Variants in TPCN2 observed in about 807,000 individuals in gnomAD.
TPCN2 encodes two pore segment channel 2.
TPCN2 carries 92 observed loss-of-function variants against 111.4 expected under a neutral mutation model. The observed-to-expected ratio is 0.83, with a 90% confidence interval of 0.70 to 0.98. The LOEUF (loss-of-function observed/expected upper bound fraction) is 0.98, where lower values mean the gene tolerates loss of function less well. Among genes scored for constraint, TPCN2 ranks in the 50% least tolerant of loss-of-function variants. The pLI is 0.00. For synonymous variants in TPCN2, 405 were observed against 414.5 expected (o/e 0.98, Z 0.28); for missense variants, 995 against 980.1 (o/e 1.02, Z -0.20).
At chr11:69,075,298 C>T (rs1260438466) in intron 13 of TPCN2, among the ~76,000 whole-genome samples, 2 of 152,196 alleles carry the variant, frequency 1.3e-5, no homozygotes, top group African/African-American at 4.8e-5. Flanking sequence ...GGTTCTAGGA[C>T]TCCATGTGGA....
At chr11:69,065,798 G>A (rs1434516957) in intron 7 of TPCN2, among the ~76,000 whole-genome samples, 5 of 152,226 alleles carry the variant, frequency 3.3e-5, no homozygotes, top group Non-Finnish European at 7.3e-5. Flanking sequence ...CAGCCGTGAT[G>A]GTGCTGTCCC....
At chr11:69,086,169 G>A (rs1027577237) in intron 22 of TPCN2, among the ~76,000 whole-genome samples, 2 of 152,220 alleles carry the variant, frequency 1.3e-5, no homozygotes, top group South Asian at 2.1e-4. Context: ...CCTGGAGGTC[G>A]TTGGTGTGTT....
At chr11:69,074,150 G>A (rs1855653640) in intron 13 of TPCN2, among the ~76,000 whole-genome samples, 1 of 152,184 alleles carries the variant, frequency 6.6e-6, no homozygotes, top group South Asian at 2.1e-4. Context: ...CGGCCCCTGT[G>A]GCTGCAGGAC....
intron 20 of TPCN2, 56 bp downstream of exon 20, chr11:69,085,342 G>GT: frequency 7.7e-7 from 1 of 1,292,114 alleles, no homozygotes; most frequent in Non-Finnish European, 1.1e-6. Context: ...GGGGTGGGCG[G>GT]GAAGCCTTGG....
At chr11:69,076,627 G>C (rs112305069) in intron 13 of TPCN2, among the ~76,000 whole-genome samples, 665 of 12,852 alleles carry the variant, frequency 0.052, no homozygotes, top group Middle Eastern at 0.11. Context: ...GCCCTCCTGC[G>C]GTGTCCCTCC....
intron 17 of TPCN2, among the ~76,000 whole-genome samples, chr11:69,080,678 C>T (rs1294507072): frequency 6.6e-6 from 1 of 152,170 alleles, no homozygotes; most frequent in East Asian, 1.9e-4. Context: ...GGACGGTGGA[C>T]AGCAAGAGCC....
At position 69,055,423 on chromosome 11, in the gene TPCN2, A is replaced by G. The variant is rs553492385; in HGVS notation, c.429+71A>G. 197 of 1,422,840 alleles carry G rather than the reference A, an allele frequency of 1.4e-4. 2 individuals carry two copies. The African/African-American group carries it at 2.7e-3, about 19-fold the overall frequency. 88.1% of individuals were successfully genotyped at this position (1,422,840 alleles called of 1,614,324 possible). A position where few individuals can be genotyped will look rare whatever the true frequency, so the allele number is the denominator to read the frequency against. On this transcript the variant is annotated intron_variant, in intron 4 of 24. Transcript: ENST00000294309. ...CGCCTGGCCGCTGCTCTCCTGGTTT[A>G]TTGCTGATTCTCTGGAGTGAGCTGC...
intron 5 of TPCN2, 125 bp from the exon 6 acceptor site, chr11:69,062,759 G>T: frequency 1.2e-6 from 1 of 847,638 alleles, no homozygotes; most frequent in Non-Finnish European, 1.9e-6. Flanking sequence ...TCCACTTTGG[G>T]CTCAGTGACT....
intron 20 of TPCN2, 107 bp downstream of exon 20, chr11:69,085,393 G>A (rs1001500681): frequency 8.1e-6 from 9 of 1,116,712 alleles, no homozygotes; most frequent in African/African-American, 6.1e-5. Flanking sequence ...ATGGGAGGGT[G>A]TTCTCCCAGT....
At chr11:69,080,973 G>C (rs897766231) in intron 17 of TPCN2, among the ~76,000 whole-genome samples, 12 of 152,134 alleles carry the variant, frequency 7.9e-5, no homozygotes, top group Admixed American at 7.2e-4. Context: ...GGAGGTGGGC[G>C]ATGGGGGCAG....
chr11:69,065,943 G>A (rs1049649154), intron 7 of TPCN2, among the ~76,000 whole-genome samples: 4 of 152,110 alleles, frequency 2.6e-5, no homozygotes, highest in African/African-American at 7.2e-5. Flanking sequence ...CAGGAGGTAC[G>A]GGAAGTCATG....
Position 69,086,396 on chromosome 11 carries a change from G to C in TPCN2, c.2004-127G>C, listed in dbSNP as rs969404954. ...GTTTCTGAGATGGAAATAGTAACGC[G>C]CTCTGCATCATGGTGTGTGTGGGCC... On this transcript the variant is annotated intron_variant, in intron 22 of 24. Coordinates refer to ENST00000294309, the MANE Select transcript of TPCN2 (RefSeq NM_139075.4). The C allele has an allele frequency of 6.4e-6, 5 of 780,424 alleles. No homozygotes were observed. The Admixed American group carries it at 9.6e-5, about 15-fold the overall frequency. 48.3% of individuals were successfully genotyped at this position (780,424 alleles called of 1,614,324 possible).
intron 19 of TPCN2, chr11:69,084,900 G>C (rs1193221763): frequency 2.5e-6 from 2 of 794,496 alleles, no homozygotes; most frequent in African/African-American, 3.7e-5. Flanking sequence ...CGCATGTTAG[G>C]GACAGGCCTG....
Position 69,054,545 on chromosome 11 carries a change from C to T in TPCN2, c.175-176C>T, listed in dbSNP as rs114883390. Among the ~76,000 whole-genome samples the T allele has an allele frequency of 9.6e-3, 1,469 of 152,328 alleles. 21 individuals carry two copies. Among genetic ancestry groups the T allele is most frequent in the African/African-American group, 0.034 (1,411 of 41,580 alleles). ...GAGGTCTTGTGTGTTGGGCAAACCTCGTGGTTTGTGATGGTGTGGGCCTGA... is the reference window on the plus strand; with the variant it reads ...GAGGTCTTGTGTGTTGGGCAAACCTTGTGGTTTGTGATGGTGTGGGCCTGA... On this transcript the variant is annotated intron_variant, in intron 2 of 24. Coordinates refer to ENST00000294309, the MANE Select transcript of TPCN2 (RefSeq NM_139075.4).
intron 13 of TPCN2, among the ~76,000 whole-genome samples, chr11:69,077,281 GCCA>G (rs1855828791): frequency 5.7e-5 from 5 of 88,028 alleles, no homozygotes; most frequent in African/African-American, 1.9e-4. Context: ...CTGCCCTCCT[GCCA>G]TGTCCCTCCA....
intron 5 of TPCN2, among the ~76,000 whole-genome samples, chr11:69,061,833 G>C (rs577871451): frequency 1.4e-5 from 2 of 139,516 alleles, no homozygotes; most frequent in African/African-American, 5.3e-5. Context: ...GAGAGGGCTG[G>C]GGTGGGTTGA....
At chr11:69,050,607 A>ACCTCGGGTGATCTGCCTG (rs1250896054) in intron 1 of TPCN2, among the ~76,000 whole-genome samples, 3 of 152,092 alleles carry the variant, frequency 2.0e-5, no homozygotes, top group African/African-American at 7.2e-5. Flanking sequence ...CAAACTCCTG[A>ACCTCGGGTGATCTGCCTG]CCTCGGGTGA....
At chr11:69,057,717 G>C (rs1353727781) in intron 5 of TPCN2, 23 bp downstream of exon 5, 1 of 1,606,364 alleles carries the variant, frequency 6.2e-7, no homozygotes, top group Admixed American at 1.7e-5. Context: ...GCAGCCCTGA[G>C]ACAGATGGAG....
intron 5 of TPCN2, among the ~76,000 whole-genome samples, chr11:69,059,263 C>T (rs1365536207): frequency 7.0e-6 from 1 of 143,012 alleles, no homozygotes; most frequent in Non-Finnish European, 1.5e-5. Context: ...CTGCTGTTCT[C>T]AGTGGCAGCA....
Sources: allele counts gnomAD v4.1 joint callset (sites outside exome capture counted in the v4.1 genomes callset), GRCh38; gene constraint gnomAD v4.1.1; transcripts MANE v1.5; gene names NCBI Gene and HGNC (gene_info 2026-07-23, HGNC 2026-07-21).